Variants in SMARCA2 observed in about 807,000 individuals in gnomAD.
The protein encoded by SMARCA2 is SWI/SNF related BAF chromatin remodeling complex subunit ATPase 2, also known as SWI/SNF-related matrix-associated actin-dependent regulator of chromatin subfamily A member 2.
Under a neutral mutation model 199.8 loss-of-function variants are expected in SMARCA2, and 61 were observed. The observed-to-expected ratio is 0.31, with a 90% CI of 0.25 to 0.38. SMARCA2 has a LOEUF of 0.38. Ranked by LOEUF, SMARCA2 falls within the 10% of genes least tolerant of loss-of-function variation. SMARCA2 has a pLI of 1.00. For missense variants in SMARCA2, 1,344 were observed against 2,012.2 expected (o/e 0.67, Z 6.35); for synonymous variants, 935 against 732.0 (o/e 1.28, Z -4.48).
intron 10 of SMARCA2, 188 bp from the exon 11 acceptor site, chr9:2,073,024 C>A (rs1821158219): frequency 1.7e-6 from 1 of 597,982 alleles, no homozygotes; most frequent in Non-Finnish European, 2.9e-6. Context: ...ACCAGGGAGG[C>A]AGCATTTTCA....
At chr9:2,166,878 T>C (rs1355378486) in intron 28 of SMARCA2, among the ~76,000 whole-genome samples, 2 of 152,224 alleles carry the variant, frequency 1.3e-5, no homozygotes, top group Non-Finnish European at 2.9e-5. Flanking sequence ...ATGGCTAGCC[T>C]TTCCAATCTA....
intron 31 of SMARCA2, among the ~76,000 whole-genome samples, chr9:2,183,900 T>C (rs899689759): frequency 9.2e-5 from 14 of 152,230 alleles, no homozygotes; most frequent in African/African-American, 2.9e-4. Context: ...TATTATGATA[T>C]ACATCCAGTC....
intron 1 of SMARCA2, among the ~76,000 whole-genome samples, chr9:2,018,356 C>CT (rs144514367): frequency 0.14 from 21,710 of 152,028 alleles, 3,171 homozygotes; most frequent in African/African-American, 0.38. Flanking sequence ...AAGGTTGTCT[C>CT]TTTTTTTTCC....
chr9:2,068,394 T>C (rs1239762237), intron 9 of SMARCA2, among the ~76,000 whole-genome samples: 1 of 152,206 alleles, frequency 6.6e-6, no homozygotes, highest in Non-Finnish European at 1.5e-5. Flanking sequence ...TTATGCCTTG[T>C]GCTTTGGCAT....
intron 4 of SMARCA2, chr9:2,043,491 A>C (rs1476788838): frequency 6.6e-6 from 1 of 152,216 alleles, no homozygotes; most frequent in Non-Finnish European, 1.5e-5. Flanking sequence ...ATGGGAACTG[A>C]AAAAATTTGG....
At chr9:2,145,422 GATGTGGGA>G (rs879854837) in intron 27 of SMARCA2, among the ~76,000 whole-genome samples, 1 of 151,992 alleles carries the variant, frequency 6.6e-6, no homozygotes, top group Non-Finnish European at 1.5e-5. Context: ...ACAAGACTAA[GATGTGGGA>G]ATTAGAAAGC....
At position 2,170,372 on chromosome 9, in the gene SMARCA2, G is replaced by A. The variant is rs149325907; in HGVS notation, c.4200-47G>A. On this transcript the variant is annotated intron_variant, in intron 28 of 33. Coordinates refer to ENST00000349721, the MANE Select transcript of SMARCA2 (RefSeq NM_003070.5). This position sits in a 1 kb window ranked among gnomAD's most constrained non-coding sequence, Gnocchi z 4.7. ...TAGGAAGAAGGAGCCGGGCGGGGAC[G>A]AGAACCCAGGTCTTCTGACTCTAGT... The A allele has an allele frequency of 3.5e-4, 569 of 1,612,600 alleles. 4 individuals carry two copies. The highest frequency in any genetic ancestry group is 3.0e-3 in the South Asian group (270 of 90,882).
chr9:2,061,337 A>G (rs1479714188), intron 9 of SMARCA2, among the ~76,000 whole-genome samples: 4 of 152,208 alleles, frequency 2.6e-5, no homozygotes, highest in African/African-American at 9.7e-5. Context: ...GGATTACTCA[A>G]TTAAGAATGA....
intron 1 of SMARCA2, among the ~76,000 whole-genome samples, chr9:2,026,534 G>A (rs1402590188): frequency 6.6e-6 from 1 of 152,152 alleles, no homozygotes. Context: ...AGCATTATGG[G>A]CTAATGTATA....
intron 26 of SMARCA2, among the ~76,000 whole-genome samples, chr9:2,122,623 A>T (rs1466311110): frequency 6.6e-6 from 1 of 152,214 alleles, no homozygotes; most frequent in Non-Finnish European, 1.5e-5. Context: ...AAGAGCTTTG[A>T]CCACTAATTT....
intron 27 of SMARCA2, among the ~76,000 whole-genome samples, chr9:2,153,509 C>T (rs1825187861): frequency 6.6e-6 from 1 of 152,104 alleles, no homozygotes; most frequent in Non-Finnish European, 1.5e-5. Context: ...GCACTCCAGC[C>T]TGGGTAACAG....
Position 2,123,236 on chromosome 9 carries a change from T to TC in SMARCA2, c.3763-478dup, listed in dbSNP as rs1018966927. Among the ~76,000 whole-genome samples the TC allele has an allele frequency of 6.6e-6, 1 of 151,202 alleles. No homozygotes were observed. The highest frequency in any genetic ancestry group is 1.5e-5 in the Non-Finnish European group (1 of 67,820). ...AGCTATTCTGTACTGATACCTTGGGTCCCCCTTTTTTTTTTATTGCTGATT... is the reference window on the plus strand; with the variant it reads ...AGCTATTCTGTACTGATACCTTGGGTCCCCCCTTTTTTTTTTATTGCTGATT... On this transcript the variant is annotated intron_variant, in intron 26 of 33. Transcript: ENST00000349721. The surrounding 1 kb of genome is among the most constrained non-coding windows in gnomAD (Gnocchi z 4.1).
Position 2,123,624 on chromosome 9 carries a change from C to A in SMARCA2, c.3763-95C>A. On this transcript the variant is annotated intron_variant, in intron 26 of 33. Coordinates refer to ENST00000349721, the MANE Select transcript of SMARCA2 (RefSeq NM_003070.5). The surrounding 1 kb of genome is among the most constrained non-coding windows in gnomAD (Gnocchi z 4.1). ...AGAGAGGTTGAAAGGGACCCTGCAG[C>A]CATAGGAAGTGACTTGGGGAAGTTG... 9.5e-7 allele frequency: 1 copy of A among 1,051,890 alleles called. No individual in the cohort carries two copies. The highest frequency in any genetic ancestry group is 1.5e-6 in the Non-Finnish European group (1 of 688,254). 65.2% of individuals were successfully genotyped at this position (1,051,890 alleles called of 1,614,324 possible). A position where few individuals can be genotyped will look rare whatever the true frequency, so the allele number is the denominator to read the frequency against.
In SMARCA2 at chr9:2,123,697, A is replaced by G. The variant is rs1823565073; in HGVS notation, c.3763-22A>G. 2 of 1,609,822 alleles carry G rather than the reference A, an allele frequency of 1.2e-6. No individual in the cohort carries two copies. Among genetic ancestry groups the G allele is most frequent in the Non-Finnish European group, 1.7e-6 (2 of 1,176,736 alleles). On this transcript the variant is annotated intron_variant, in intron 26 of 33. Coordinates refer to ENST00000349721, the MANE Select transcript of SMARCA2 (RefSeq NM_003070.5). This position sits in a 1 kb window ranked among gnomAD's most constrained non-coding sequence, Gnocchi z 4.1. ...CATACAGAAGCCCTGACTTTCGGTG[A>G]CCCTCTTATTAATGTCTCCAGCGGA...
At chr9:2,083,941 C>G (rs1382391554) in intron 16 of SMARCA2, 145 bp from the exon 17 acceptor site, 2 of 528,522 alleles carry the variant, frequency 3.8e-6, no homozygotes, top group Non-Finnish European at 6.7e-6. Flanking sequence ...CCAAAACTTC[C>G]TCGTGTATAA....
At chr9:2,156,522 C>T (rs1009736641) in intron 27 of SMARCA2, among the ~76,000 whole-genome samples, 4 of 146,694 alleles carry the variant, frequency 2.7e-5, no homozygotes, top group African/African-American at 5.1e-5. Flanking sequence ...CTCAGCCTCC[C>T]GAGGTTCAAG....
chr9:2,142,713 G>A (rs1018286865), intron 27 of SMARCA2, among the ~76,000 whole-genome samples: 31 of 152,172 alleles, frequency 2.0e-4, no homozygotes, highest in African/African-American at 7.5e-4. Flanking sequence ...GGCTGGAGTA[G>A]GGCAAACTGA....
chr9:2,084,251 G>C (rs549827749), intron 17 of SMARCA2, 55 bp downstream of exon 17: 2 of 903,606 alleles, frequency 2.2e-6, no homozygotes, highest in East Asian at 5.0e-5. Flanking sequence ...ACTGGAATGT[G>C]AAGTATTGCC....
At chr9:2,097,886 A>G (rs192655685) in intron 21 of SMARCA2, among the ~76,000 whole-genome samples, 140 of 152,378 alleles carry the variant, frequency 9.2e-4, no homozygotes, top group African/African-American at 3.2e-3. Context: ...CTAAAGAGAA[A>G]GATTTTCTTT....
Sources: gnomAD v4.1 joint callset for allele counts (sites outside exome capture counted in the v4.1 genomes callset) on GRCh38, gnomAD v4.1.1 for gene constraint, Gnocchi (gnomAD v3.1) non-coding constraint, MANE v1.5 for transcripts, NCBI Gene and HGNC (gene_info 2026-07-23, HGNC 2026-07-21) for gene names.